The following CHST10 variants were observed in gnomAD, a reference collection of about 807,000 sequenced individuals.
The protein encoded by CHST10 is carbohydrate sulfotransferase 10.
CHST10 carries 24 observed loss-of-function variants against 34.7 expected under a neutral mutation model. That is an observed-to-expected ratio of 0.69 (90% confidence interval 0.50 to 0.97). The LOEUF is 0.97. CHST10 is among the 50% of genes least tolerant of loss of function. The pLI is 0.00. For synonymous variants in CHST10, 161 were observed against 169.3 expected (o/e 0.95, Z 0.38); for missense variants, 402 against 452.1 (o/e 0.89, Z 1.00).
chr2:100,399,379 A>G (rs1249129509), intron 4 of CHST10, among the ~76,000 whole-genome samples: 1 of 152,240 alleles, frequency 6.6e-6, no homozygotes, highest in Non-Finnish European at 1.5e-5. Context: ...TGCTGGGATT[A>G]CAGGCGTAAG....
chr2:100,402,431 T>G, intron 4 of CHST10, 133 bp downstream of exon 4: 2 of 693,844 alleles, frequency 2.9e-6, no homozygotes, highest in Non-Finnish European at 5.1e-6. Flanking sequence ...TGAACTAACA[T>G]GGAGAAGTAA....
chr2:100,406,444 G>T, intron 3 of CHST10, 132 bp downstream of exon 3: 20 of 1,057,090 alleles, frequency 1.9e-5, no homozygotes, highest in Non-Finnish European at 2.6e-5. Flanking sequence ...CGGAGGCCAT[G>T]ACCTCCAAGG....
intron 5 of CHST10, among the ~76,000 whole-genome samples, chr2:100,396,180 C>G (rs1675050100): frequency 6.6e-6 from 1 of 152,164 alleles, no homozygotes; most frequent in Non-Finnish European, 1.5e-5. Flanking sequence ...CCTTTTGATG[C>G]TGGAAAAATC....
At chr2:100,414,965 AG>A (rs1194175386) in intron 2 of CHST10, 75 bp downstream of exon 2, 7 of 1,027,390 alleles carry the variant, frequency 6.8e-6, no homozygotes, top group Non-Finnish European at 9.3e-6. Context: ...CAATCTGCAC[AG>A]GCAAGAAAAA....
chr2:100,393,344 G>T lies in CHST10; in HGVS notation c.972C>A (p.Phe324Leu). Residue 324 changes from phenylalanine (F) to leucine (L), a missense_variant, in exon 7 of 7, where the codon TTC (phenylalanine) becomes TTA (leucine). By Grantham distance (22) the Phe-to-Leu change is conservative (BLOSUM62 0). Transcript: ENST00000264249. ...VYNRTKVEHY[F>L]LGISKRDIRR... Reference sequence around the variant, plus strand: ...GGATGTCTCGTTTGCTGATGCCCAGGAAATAGTGCTCCACCTTGGTTCTGT... The same window carrying T: ...GGATGTCTCGTTTGCTGATGCCCAGTAAATAGTGCTCCACCTTGGTTCTGT... The T allele has an allele frequency of 6.2e-7, 1 of 1,614,208 alleles. No individual in the cohort carries two copies. The highest frequency in any genetic ancestry group is 8.5e-7 in the Non-Finnish European group (1 of 1,180,036).
In CHST10 at chr2:100,395,586, G is replaced by A. The variant is rs757380454; in HGVS notation, c.456C>T (p.Pro152=). Residue 152 remains proline (P), a synonymous_variant, in exon 6 of 7, where the codon CCC becomes CCT. Transcript: ENST00000264249. ...TCTCGTGGTCGTGCACCACGTTTTC[G>A]GGGATCTCCTCAATGGAAGAAAATG... ...NGAFSSIEEI[P]ENVVHDHEKN... 5.6e-6 allele frequency: 9 copies of A among 1,614,020 alleles called. No homozygotes were observed. Among genetic ancestry groups the A allele is most frequent in the East Asian group, 4.5e-5 (2 of 44,876 alleles).
rs546176874 is a variant in CHST10 at position 100,414,410 on chromosome 2, T to A, written c.-33+631A>T. ...AACCTGGTAATGTACAAGGAACTGG[T>A]AACCCCAGGAGGATGACAGGTGAGA... On this transcript the variant is annotated intron_variant, in intron 2 of 6. Coordinates refer to ENST00000264249, the MANE Select transcript of CHST10 (RefSeq NM_004854.5). Among the ~76,000 whole-genome samples, 5 of 152,144 alleles carry A rather than the reference T, an allele frequency of 3.3e-5. No individual in the cohort carries two copies. In the South Asian group the frequency reaches 1.0e-3, roughly 32 times the overall value.
At chr2:100,394,515 C>A (rs1450654053) in intron 6 of CHST10, among the ~76,000 whole-genome samples, 1 of 152,182 alleles carries the variant, frequency 6.6e-6, no homozygotes, top group African/African-American at 2.4e-5. Context: ...CCAGGAGCAT[C>A]TCTGGTAAGG....
At position 100,393,581 on chromosome 2, in the gene CHST10, G is replaced by A. The variant is rs3748931; in HGVS notation, c.735C>T (p.Gly245=). Reference sequence around the variant, plus strand: ...GGTCTAGCCATCTGTGGTTCGGATCGCCGAGGTAGCGCACGAAATCTTCAA... The same window carrying A: ...GGTCTAGCCATCTGTGGTTCGGATCACCGAGGTAGCGCACGAAATCTTCAA... ...IQFEDFVRYL[G]DPNHRWLDLQ... is the part of the protein sequence containing the mutation. Residue 245 remains glycine, a synonymous_variant, in exon 7 of 7, where the codon GGC becomes GGT. Coordinates refer to ENST00000264249, the MANE Select transcript of CHST10 (RefSeq NM_004854.5). 3,264 of 1,614,090 alleles carry A rather than the reference G, an allele frequency of 2.0e-3. 118 individuals carry two copies. In the East Asian group the frequency reaches 0.065, roughly 32 times the overall value.
At chr2:100,409,603 T>A (rs1675735496) in intron 2 of CHST10, among the ~76,000 whole-genome samples, 1 of 151,984 alleles carries the variant, frequency 6.6e-6, no homozygotes, top group Admixed American at 6.6e-5. Context: ...AGCTAGTCTT[T>A]CACCCGGGCA....
At chr2:100,412,456 G>A (rs6736938) in intron 2 of CHST10, among the ~76,000 whole-genome samples, 21,141 of 151,122 alleles carry the variant, frequency 0.14, 3,570 homozygotes, top group African/African-American at 0.41. Flanking sequence ...AAACTTCCAA[G>A]AAATACAGTG....
chr2:100,410,136 G>A (rs912152012), intron 2 of CHST10, among the ~76,000 whole-genome samples: 3 of 152,248 alleles, frequency 2.0e-5, no homozygotes, highest in African/African-American at 4.8e-5. Flanking sequence ...ATATCTGGCT[G>A]TAGAGCCCCT....
intron 6 of CHST10, among the ~76,000 whole-genome samples, chr2:100,395,125 A>G (rs984431490): frequency 2.0e-5 from 3 of 152,192 alleles, no homozygotes; most frequent in Non-Finnish European, 4.4e-5. Flanking sequence ...AGTGGGCACA[A>G]TGCCTCTGGG....
At position 100,393,374 on chromosome 2, in the gene CHST10, C is replaced by T. The variant is rs747420216; in HGVS notation, c.942G>A (p.Val314=). 3.7e-6 allele frequency: 6 copies of T among 1,614,048 alleles called. No homozygotes were observed. The African/African-American group carries it at 8.0e-5, about 22-fold the overall frequency. Residue 314 remains valine (V), a synonymous_variant, in exon 7 of 7, where the codon GTG becomes GTA. Coordinates refer to ENST00000264249, the MANE Select transcript of CHST10 (RefSeq NM_004854.5). ...SYPTIPPGIT[V]YNRTKVEHYF... is the part of the protein sequence containing the mutation. Reference sequence around the variant, plus strand: ...AGTGCTCCACCTTGGTTCTGTTATACACGGTAATGCCCGGAGGGATAGTCG... The same window carrying T: ...AGTGCTCCACCTTGGTTCTGTTATATACGGTAATGCCCGGAGGGATAGTCG...
intron 4 of CHST10, among the ~76,000 whole-genome samples, chr2:100,401,255 GAGCCTC>G (rs1256124241): frequency 6.6e-6 from 1 of 152,180 alleles, no homozygotes; most frequent in Non-Finnish European, 1.5e-5. Flanking sequence ...ACAGTTCCTT[GAGCCTC>G]ATGTTTCCCA....
chr2:100,415,733 A>G (rs1676039581), intron 1 of CHST10: 1 of 152,288 alleles, frequency 6.6e-6, no homozygotes, highest in African/African-American at 2.4e-5. Flanking sequence ...TGAAAGATTA[A>G]GCTTTATATA....
At chr2:100,400,599 C>G (rs1233731207) in intron 4 of CHST10, among the ~76,000 whole-genome samples, 2 of 152,172 alleles carry the variant, frequency 1.3e-5, no homozygotes, top group Non-Finnish European at 2.9e-5. Flanking sequence ...TCTTTTTTCC[C>G]TTTGGAAATA....
chr2:100,402,783 G>A (rs953269436), intron 3 of CHST10, 128 bp from the exon 4 acceptor site: 10 of 731,142 alleles, frequency 1.4e-5, no homozygotes, highest in Non-Finnish European at 2.0e-5. Flanking sequence ...AGCCATAAAA[G>A]CCATTCAGCG....
chr2:100,407,431 G>T (rs1172843670), intron 2 of CHST10, among the ~76,000 whole-genome samples: 1 of 152,182 alleles, frequency 6.6e-6, no homozygotes, highest in African/African-American at 2.4e-5. Context: ...ACACAAGAAA[G>T]TGTGTTTCAT....
Sources: gnomAD v4.1 joint callset for allele counts (sites outside exome capture counted in the v4.1 genomes callset) on GRCh38, gnomAD v4.1.1 for gene constraint, MANE v1.5 for transcripts, NCBI Gene and HGNC (gene_info 2026-07-23, HGNC 2026-07-21) for gene names.